The following GRM8 variants were observed in gnomAD, a reference collection of about 807,000 sequenced individuals.
GRM8 encodes the protein glutamate metabotropic receptor 8.
A neutral mutation model predicts 87.2 loss-of-function variants in GRM8; 47 were observed. The ratio of observed to expected loss-of-function variants is 0.54; its 90% CI spans 0.43 to 0.69. The LOEUF (loss-of-function observed/expected upper bound fraction) is 0.69. Ranked by LOEUF, GRM8 falls within the 30% of genes least tolerant of loss-of-function variation. The pLI is 0.00. For synonymous variants in GRM8, 396 were observed against 404.5 expected (o/e 0.98, Z 0.25); for missense variants, 1,019 against 1,139.2 (o/e 0.89, Z 1.52).
chr7:126,844,453 T>A (rs1297667620), intron 6 of GRM8, among the ~76,000 whole-genome samples: 1 of 152,220 alleles, frequency 6.6e-6, no homozygotes, highest in Non-Finnish European at 1.5e-5. Flanking sequence ...TCTTCTTTTC[T>A]TTAAATGTCC....
chr7:126,657,159 TTGTGCC>T, intron 7 of GRM8, among the ~76,000 whole-genome samples: 4 of 150,876 alleles, frequency 2.7e-5, no homozygotes, highest in African/African-American at 9.8e-5. Flanking sequence ...TCAAGTCAGG[TTGTGCC>T]TGTACACACA....
At chr7:126,490,354 A>G (rs1807858674) in intron 9 of GRM8, among the ~76,000 whole-genome samples, 1 of 152,084 alleles carries the variant, frequency 6.6e-6, no homozygotes, top group South Asian at 2.1e-4. Context: ...ATGGTAGCAT[A>G]TTCTGCTGAA....
chr7:127,108,061 G>A (rs1825983387), intron 2 of GRM8, among the ~76,000 whole-genome samples: 1 of 152,172 alleles, frequency 6.6e-6, no homozygotes, highest in Non-Finnish European at 1.5e-5. Flanking sequence ...TGGGGACTGT[G>A]TTAACTTATT....
chr7:126,728,710 C>T (rs1207936023), intron 7 of GRM8, among the ~76,000 whole-genome samples: 5 of 152,260 alleles, frequency 3.3e-5, no homozygotes, highest in Admixed American at 3.3e-4. Context: ...AATACAGGAG[C>T]TAGATGAACA....
chr7:126,782,775 C>A (rs1407512821), intron 6 of GRM8, among the ~76,000 whole-genome samples: 3 of 152,142 alleles, frequency 2.0e-5, no homozygotes, highest in Admixed American at 2.0e-4. Flanking sequence ...TATTGGACCA[C>A]CCAAATGAAA....
At chr7:127,078,251 C>G (rs148322857) in intron 3 of GRM8, among the ~76,000 whole-genome samples, 1 of 152,306 alleles carries the variant, frequency 6.6e-6, no homozygotes, top group African/African-American at 2.4e-5. Flanking sequence ...CCTGGTCCCT[C>G]TTTCCACTCC....
At chr7:126,800,213 C>T (rs1822498731) in intron 6 of GRM8, among the ~76,000 whole-genome samples, 1 of 152,022 alleles carries the variant, frequency 6.6e-6, no homozygotes, top group Non-Finnish European at 1.5e-5. Context: ...ACCACAAGCT[C>T]TACGAATCTC....
At chr7:127,025,010 C>T (rs1318951850) in intron 3 of GRM8, among the ~76,000 whole-genome samples, 1 of 152,004 alleles carries the variant, frequency 6.6e-6, no homozygotes, top group African/African-American at 2.4e-5. Flanking sequence ...AGGACATAAA[C>T]ATAAGGCCAT....
chr7:127,217,243 A>G (rs902072915), intron 2 of GRM8, among the ~76,000 whole-genome samples: 4 of 152,152 alleles, frequency 2.6e-5, no homozygotes, highest in African/African-American at 9.7e-5. Flanking sequence ...AGTGCAAAAA[A>G]TGCCGTTAGG....
intron 3 of GRM8, among the ~76,000 whole-genome samples, chr7:126,946,698 C>A (rs1309433069): frequency 6.6e-6 from 1 of 152,154 alleles, no homozygotes; most frequent in African/African-American, 2.4e-5. Flanking sequence ...TGACTACAGA[C>A]CCAAACTGAG....
chr7:126,720,607 T>C (rs1386502944), intron 7 of GRM8, among the ~76,000 whole-genome samples: 2 of 152,216 alleles, frequency 1.3e-5, no homozygotes, highest in African/African-American at 4.8e-5. Flanking sequence ...AAGTAGATTA[T>C]TTCTGAGACC....
chr7:127,118,301 A>G (rs1184074998), intron 2 of GRM8: 2 of 152,230 alleles, frequency 1.3e-5, no homozygotes, highest in Non-Finnish European at 2.9e-5. Context: ...AAAAGTTGAT[A>G]AAAGGATGTA....
intron 7 of GRM8, among the ~76,000 whole-genome samples, chr7:126,649,793 T>C (rs934925227): frequency 6.6e-5 from 10 of 152,130 alleles, no homozygotes; most frequent in Non-Finnish European, 1.2e-4. Flanking sequence ...CAGTTTTGAG[T>C]GGTGTCCAGA....
chr7:126,825,352 C>T (rs1327600955), intron 6 of GRM8, among the ~76,000 whole-genome samples: 1 of 152,196 alleles, frequency 6.6e-6, no homozygotes, highest in East Asian at 1.9e-4. Flanking sequence ...AGGCATGAGC[C>T]ACTATGCCCG....
intron 6 of GRM8, among the ~76,000 whole-genome samples, chr7:126,793,223 TA>T (rs1372093675): frequency 6.6e-6 from 1 of 152,168 alleles, no homozygotes; most frequent in Non-Finnish European, 1.5e-5. Context: ...ATCAATACTT[TA>T]AAAAAATTAA....
At chr7:127,081,892 G>A (rs1421644710) in intron 3 of GRM8, among the ~76,000 whole-genome samples, 2 of 152,198 alleles carry the variant, frequency 1.3e-5, no homozygotes, top group African/African-American at 4.8e-5. Flanking sequence ...AATTTCTGAA[G>A]GTATCAGCAG....
intron 3 of GRM8, among the ~76,000 whole-genome samples, chr7:126,923,661 G>C (rs1352092130): frequency 2.6e-5 from 4 of 152,130 alleles, no homozygotes; most frequent in Middle Eastern, 3.2e-3. Flanking sequence ...CCCAGAGGTA[G>C]GTATTTGCAG....
At chr7:126,748,822 A>C (rs1166347987) in intron 7 of GRM8, among the ~76,000 whole-genome samples, 1 of 152,154 alleles carries the variant, frequency 6.6e-6, no homozygotes, top group East Asian at 1.9e-4. Context: ...CAGCAAATCC[A>C]AACATAGACT....
At chr7:126,507,086 G>A (rs1433587388) in intron 9 of GRM8, among the ~76,000 whole-genome samples, 3 of 151,590 alleles carry the variant, frequency 2.0e-5, no homozygotes, top group Non-Finnish European at 4.4e-5. Flanking sequence ...CTTTCCGCAA[G>A]TAATTTTCTC....
Sources: gnomAD v4.1 joint callset for allele counts (sites outside exome capture counted in the v4.1 genomes callset) on GRCh38, gnomAD v4.1.1 for gene constraint, MANE v1.5 for transcripts, NCBI Gene and HGNC (gene_info 2026-07-23, HGNC 2026-07-21) for gene names.